Variants in MACROD2 observed in about 807,000 individuals in gnomAD.
The protein encoded by MACROD2 is mono-ADP ribosylhydrolase 2, also known as ADP-ribose glycohydrolase MACROD2.
MACROD2 carries 36 observed loss-of-function variants against 70.4 expected under a neutral mutation model. The ratio of observed to expected loss-of-function variants is 0.51; its 90% CI spans 0.39 to 0.68. The LOEUF is 0.68. Among genes scored for constraint, MACROD2 ranks in the 30% least tolerant of loss-of-function variants. MACROD2 has a pLI of 0.00. For missense variants in MACROD2, 496 were observed against 538.4 expected, an observed-to-expected ratio of 0.92 and a Z score of 0.78; for synonymous variants, 172 against 178.8, an observed-to-expected ratio of 0.96 and a Z score of 0.30.
chr20:15,323,942 A>G (rs2077899444), intron 6 of MACROD2, among the ~76,000 whole-genome samples: 1 of 151,812 alleles, frequency 6.6e-6, no homozygotes, highest in African/African-American at 2.4e-5. Flanking sequence ...CCTTGACTTT[A>G]TTTTAAATAA....
At chr20:14,890,535 A>G (rs2122505543) in intron 5 of MACROD2, among the ~76,000 whole-genome samples, 1 of 152,162 alleles carries the variant, frequency 6.6e-6, no homozygotes, top group Non-Finnish European at 1.5e-5. Context: ...TGGAAGAACA[A>G]GATAGGAGAA....
intron 5 of MACROD2, among the ~76,000 whole-genome samples, chr20:14,864,537 T>C (rs1343502711): frequency 6.6e-6 from 1 of 152,164 alleles, no homozygotes; most frequent in African/African-American, 2.4e-5. Context: ...AATTTTGCTT[T>C]CTATAAAAAC....
At chr20:14,674,626 C>T (rs1422045701) in intron 4 of MACROD2, among the ~76,000 whole-genome samples, 1 of 152,134 alleles carries the variant, frequency 6.6e-6, no homozygotes, top group East Asian at 1.9e-4. Context: ...CGTAACACTA[C>T]CTCTAAAAAG....
chr20:14,536,722 T>C (rs986185441), intron 4 of MACROD2, among the ~76,000 whole-genome samples: 2 of 151,958 alleles, frequency 1.3e-5, no homozygotes, highest in African/African-American at 4.8e-5. Flanking sequence ...TTTTTTATAT[T>C]TGTTTCACTT....
At chr20:14,511,089 T>C (rs918108783) in intron 4 of MACROD2, among the ~76,000 whole-genome samples, 1 of 152,080 alleles carries the variant, frequency 6.6e-6, no homozygotes, top group Admixed American at 6.6e-5. Flanking sequence ...ATGAAAGAAC[T>C]CCAGGTCTTA....
At chr20:15,792,330 A>G (rs2073950235) in intron 8 of MACROD2, among the ~76,000 whole-genome samples, 2 of 152,162 alleles carry the variant, frequency 1.3e-5, no homozygotes. Flanking sequence ...CATGAAGGAC[A>G]CAAGACACAG....
At chr20:15,416,941 A>G (rs555288239) in intron 6 of MACROD2, among the ~76,000 whole-genome samples, 2 of 152,048 alleles carry the variant, frequency 1.3e-5, no homozygotes, top group Admixed American at 6.5e-5. Flanking sequence ...ATGGAAACCC[A>G]TCTCTTCATT....
At chr20:14,926,406 T>G (rs1374913734) in intron 5 of MACROD2, among the ~76,000 whole-genome samples, 1 of 151,898 alleles carries the variant, frequency 6.6e-6, no homozygotes, top group East Asian at 1.9e-4. Context: ...AAAAATTAGC[T>G]GGGTATGGTG....
intron 5 of MACROD2, among the ~76,000 whole-genome samples, chr20:15,201,413 A>C (rs2145928949): frequency 6.6e-6 from 1 of 152,324 alleles, no homozygotes; most frequent in East Asian, 1.9e-4. Context: ...TGGACACCTA[A>C]TGCCATATGG....
chr20:15,653,412 G>A (rs1347638897), intron 8 of MACROD2, among the ~76,000 whole-genome samples: 1 of 152,194 alleles, frequency 6.6e-6, no homozygotes, highest in Non-Finnish European at 1.5e-5. Flanking sequence ...CAGCTGTCGT[G>A]CAGTAGATGA....
At chr20:15,451,430 A>T (rs1171842113) in intron 7 of MACROD2, among the ~76,000 whole-genome samples, 5 of 150,586 alleles carry the variant, frequency 3.3e-5, no homozygotes, top group African/African-American at 7.3e-5. Flanking sequence ...AAAAAAAAAA[A>T]AAAAAAAAAA....
intron 5 of MACROD2, among the ~76,000 whole-genome samples, chr20:14,855,597 GTTTTTTTTTTTTTTTT>G (rs71190156): frequency 1.6e-4 from 12 of 77,238 alleles, no homozygotes; most frequent in Non-Finnish European, 2.0e-4. Context: ...ATCCTACCAA[GTTTTTTTTTTTTTTTT>G]TTTTTTTTTT....
At chr20:15,021,522 A>T (rs535319845) in intron 5 of MACROD2, 3 of 151,112 alleles carry the variant, frequency 2.0e-5, no homozygotes, top group Non-Finnish European at 4.4e-5. Context: ...ATATGTGTGT[A>T]TATATATACA....
intron 3 of MACROD2, among the ~76,000 whole-genome samples, chr20:14,135,968 A>AT (rs2054790674): frequency 6.6e-6 from 1 of 152,212 alleles, no homozygotes; most frequent in Non-Finnish European, 1.5e-5. Context: ...TCAATTCAAC[A>AT]TTATGCTGGT....
At chr20:15,106,730 C>G (rs1269677433) in intron 5 of MACROD2, among the ~76,000 whole-genome samples, 1 of 152,086 alleles carries the variant, frequency 6.6e-6, no homozygotes, top group Non-Finnish European at 1.5e-5. Context: ...GAGAACCCAT[C>G]TTGTTTTGTT....
chr20:15,909,337 T>C (rs2065197910), intron 10 of MACROD2, among the ~76,000 whole-genome samples: 1 of 152,130 alleles, frequency 6.6e-6, no homozygotes, highest in Admixed American at 6.6e-5. Context: ...TTCTATTGGT[T>C]GAGGTTAACA....
chr20:15,149,228 A>G (rs2076251807), intron 5 of MACROD2, among the ~76,000 whole-genome samples: 1 of 152,074 alleles, frequency 6.6e-6, no homozygotes, highest in South Asian at 2.1e-4. Context: ...TGGAACACTG[A>G]GAAGTTATTT....
intron 5 of MACROD2, among the ~76,000 whole-genome samples, chr20:14,835,653 G>C (rs1410588438): frequency 6.6e-6 from 1 of 151,984 alleles, no homozygotes; most frequent in Non-Finnish European, 1.5e-5. Flanking sequence ...ATGTATCATT[G>C]AATCCACTTG....
intron 15 of MACROD2, among the ~76,000 whole-genome samples, chr20:16,033,067 A>C (rs2067176719): frequency 6.6e-6 from 1 of 152,118 alleles, no homozygotes; most frequent in African/African-American, 2.4e-5. Context: ...GCCCATTTCC[A>C]ACTAAAAACT....
Sources: allele counts gnomAD v4.1 joint callset (sites outside exome capture counted in the v4.1 genomes callset), GRCh38; gene constraint gnomAD v4.1.1; transcripts MANE v1.5; gene names NCBI Gene and HGNC (gene_info 2026-07-23, HGNC 2026-07-21).